ADGRF3: variants seen among roughly 807,000 people sequenced by gnomAD.
ADGRF3 encodes G protein-coupled receptor 113.
A neutral mutation model predicts 93.2 loss-of-function variants in ADGRF3; 85 were observed. The ratio of observed to expected loss-of-function variants is 0.91; its 90% CI spans 0.77 to 1.09. The LOEUF (loss-of-function observed/expected upper bound fraction) is 1.09. Ranked by LOEUF, ADGRF3 falls within the 50% of genes least tolerant of loss-of-function variation. The probability of loss-of-function intolerance (pLI) is 0.00; values close to 1 mark genes in which losing one functional copy is unlikely to be tolerated. For missense variants in ADGRF3, 1,125 were observed against 1,246.2 expected, an observed-to-expected ratio of 0.90 and a Z score of 1.46; for synonymous variants, 534 against 532.5, an observed-to-expected ratio of 1.00 and a Z score of -0.04.
At chr2:26,339,844 C>T (rs995190692) in intron 1 of ADGRF3, among the ~76,000 whole-genome samples, 3 of 152,120 alleles carry the variant, frequency 2.0e-5, no homozygotes, top group African/African-American at 4.8e-5. Flanking sequence ...GACATCAGCC[C>T]GCATTCCAGG....
chr2:26,319,526 T>TG (rs1674981313), intron 1 of ADGRF3, among the ~76,000 whole-genome samples: 1 of 119,186 alleles, frequency 8.4e-6, no homozygotes, highest in Non-Finnish European at 1.8e-5. Context: ...CCTCCCTCCC[T>TG]CCCTTCCTTC....
chr2:26,309,862 G>A (rs1362048753), intron 12 of ADGRF3, 181 bp downstream of exon 12: 3 of 1,420,504 alleles, frequency 2.1e-6, no homozygotes, highest in African/African-American at 2.8e-5. Flanking sequence ...GATCCTGACT[G>A]CTCTGACCAG....
intron 1 of ADGRF3, among the ~76,000 whole-genome samples, chr2:26,339,787 GA>G (rs1347575887): frequency 6.6e-6 from 1 of 152,148 alleles, no homozygotes; most frequent in East Asian, 1.9e-4. Context: ...CAAAATTCCA[GA>G]GACGAATTCA....
At chr2:26,339,489 C>A (rs1574735263) in intron 1 of ADGRF3, among the ~76,000 whole-genome samples, 1 of 152,182 alleles carries the variant, frequency 6.6e-6, no homozygotes, top group Non-Finnish European at 1.5e-5. Flanking sequence ...GAGTGAGAAT[C>A]TGACTCAAAC....
chr2:26,332,598 G>A (rs1183056618), intron 1 of ADGRF3, among the ~76,000 whole-genome samples: 1 of 151,910 alleles, frequency 6.6e-6, no homozygotes, highest in Non-Finnish European at 1.5e-5. Flanking sequence ...AAATTAGCTG[G>A]GCATGGTGGT....
intron 6 of ADGRF3, among the ~76,000 whole-genome samples, 180 bp downstream of exon 6, chr2:26,314,234 G>A (rs1315099323): frequency 1.3e-5 from 2 of 152,210 alleles, no homozygotes; most frequent in Non-Finnish European, 2.9e-5. Flanking sequence ...TACACATGTG[G>A]TTATGTTATG....
In ADGRF3 at chr2:26,308,511, T is replaced by C. The variant is rs1184044827; in HGVS notation, c.*575A>G. On this transcript the variant is annotated 3_prime_UTR_variant, in exon 14 of 14. Coordinates refer to ENST00000651242, the MANE Select transcript of ADGRF3 (RefSeq NM_001321971.2). ...ATCAATCAATGCCTCTATACATGGA[T>C]ATGGTTAAGAAACTTACATTTTATA... 2.0e-5 allele frequency: 3 copies of C among 152,436 alleles called. No homozygotes were observed. The East Asian group carries it at 5.8e-4, about 29-fold the overall frequency. The allele number at this position is 152,436 out of a possible 1,614,324, so 9.4% of individuals were successfully genotyped here.
intron 13 of ADGRF3, 37 bp from the exon 14 acceptor site, chr2:26,309,144 G>T: frequency 6.2e-7 from 1 of 1,614,018 alleles, no homozygotes. Flanking sequence ...TGGATACTGA[G>T]CCCAACTTCT....
At chr2:26,336,944 G>A (rs904338301) in intron 1 of ADGRF3, among the ~76,000 whole-genome samples, 3 of 152,060 alleles carry the variant, frequency 2.0e-5, no homozygotes, top group African/African-American at 7.2e-5. Flanking sequence ...GCAAGTGGGA[G>A]GTTTGGAAGT....
Position 26,328,803 on chromosome 2 carries a change from A to G in ADGRF3, c.115-11241T>C, listed in dbSNP as rs150179015. ...CCCAGTGGCTCTGTTCAGGTTTTCA[A>G]TCTTTTTTCTCTGGTTTTCAGATTG... On this transcript the variant is annotated intron_variant, in intron 1 of 13. Transcript: ENST00000651242. Among the ~76,000 whole-genome samples the G allele has an allele frequency of 5.3e-3, 804 of 152,202 alleles. 7 individuals carry two copies. Among genetic ancestry groups the G allele is most frequent in the South Asian group, 0.027 (130 of 4,818 alleles).
chr2:26,319,705 C>T (rs1675036449), intron 1 of ADGRF3, among the ~76,000 whole-genome samples: 2 of 151,542 alleles, frequency 1.3e-5, no homozygotes, highest in African/African-American at 4.9e-5. Flanking sequence ...CTCTCGCTTG[C>T]TCTCACTCTC....
intron 9 of ADGRF3, among the ~76,000 whole-genome samples, chr2:26,312,673 G>A (rs893930227): frequency 2.0e-5 from 3 of 152,258 alleles, no homozygotes; most frequent in South Asian, 2.1e-4. Flanking sequence ...ATAGCCACAC[G>A]CCTGCATGCG....
At chr2:26,318,906 C>A in intron 1 of ADGRF3, 2 of 1,551,208 alleles carry the variant, frequency 1.3e-6, no homozygotes, top group Admixed American at 2.0e-5. Flanking sequence ...CTCTCCCAAT[C>A]AGGGGTCCCC....
At chr2:26,322,053 G>T (rs538629918) in intron 1 of ADGRF3, among the ~76,000 whole-genome samples, 1 of 150,416 alleles carries the variant, frequency 6.6e-6, no homozygotes. Flanking sequence ...TGGAGGCCAA[G>T]GTGGGCAGAT....
chr2:26,340,458 T>C (rs1046285618), intron 1 of ADGRF3: 2 of 152,216 alleles, frequency 1.3e-5, no homozygotes, highest in African/African-American at 4.8e-5. Flanking sequence ...CAAAGTTTCA[T>C]GAAGGTGAAA....
In ADGRF3 at chr2:26,313,548, G is replaced by T; in HGVS notation, c.1098C>A (p.Asp366Glu). ...IQDGDITCPE[D>E]ASVLTWNVTK... The stretch of plus-strand genomic sequence containing the variant: ...TGACATTCCAGGTGAGCACCGAGGC[G>T]TCCTCAGGGCAGGTGATGTCTCCAT... Residue 366 changes from aspartate to glutamate, a missense_variant, in exon 8 of 14, where the codon GAC becomes GAA. Transcript: ENST00000651242. 6.2e-7 allele frequency: 1 copy of T among 1,608,268 alleles called. No individual in the cohort carries two copies. The highest frequency in any genetic ancestry group is 8.5e-7 in the Non-Finnish European group (1 of 1,178,820).
chr2:26,319,593 T>TCCTA (rs1675014010), intron 1 of ADGRF3, among the ~76,000 whole-genome samples: 1 of 65,102 alleles, frequency 1.5e-5, no homozygotes, highest in Non-Finnish European at 3.6e-5. Context: ...CTTCCTTCCT[T>TCCTA]CCTTCCTTCC....
chr2:26,312,798 T>G, intron 9 of ADGRF3, 145 bp downstream of exon 9: 1 of 709,270 alleles, frequency 1.4e-6, no homozygotes, highest in South Asian at 1.9e-5. Flanking sequence ...AGAGGAGAAA[T>G]GGATCAGGAG....
At chr2:26,320,225 G>A (rs546253268) in intron 1 of ADGRF3, among the ~76,000 whole-genome samples, 8 of 152,330 alleles carry the variant, frequency 5.3e-5, no homozygotes, top group African/African-American at 1.4e-4. Flanking sequence ...GGGCGTGCAC[G>A]GTGGCTCACA....
Sources: allele counts gnomAD v4.1 joint callset (sites outside exome capture counted in the v4.1 genomes callset), GRCh38; gene constraint gnomAD v4.1.1; transcripts MANE v1.5; gene names NCBI Gene and HGNC (gene_info 2026-07-23, HGNC 2026-07-21).